ZDHHC14: variants seen among roughly 807,000 people sequenced by gnomAD.
The protein encoded by ZDHHC14 is zDHHC palmitoyltransferase 14.
ZDHHC14 carries 16 observed loss-of-function variants against 47.7 expected under a neutral mutation model. The ratio of observed to expected loss-of-function variants is 0.34; its 90% CI spans 0.23 to 0.51. The LOEUF (loss-of-function observed/expected upper bound fraction) is 0.51. ZDHHC14 is among the 20% of genes least tolerant of loss of function. The pLI, the probability that ZDHHC14 is intolerant of heterozygous loss-of-function variation, is 0.97. For synonymous variants in ZDHHC14, 293 were observed against 278.9 expected (o/e 1.05, Z -0.50); for missense variants, 515 against 662.5 (o/e 0.78, Z 2.44).
chr6:157,588,804 T>C (rs746761750), intron 2 of ZDHHC14, among the ~76,000 whole-genome samples: 1 of 151,984 alleles, frequency 6.6e-6, no homozygotes, highest in Non-Finnish European at 1.5e-5. Context: ...CACCCCACAG[T>C]GGGGTTCTCA....
intron 1 of ZDHHC14, among the ~76,000 whole-genome samples, chr6:157,433,608 C>T (rs549992070): frequency 6.6e-6 from 1 of 152,234 alleles, no homozygotes; most frequent in African/African-American, 2.4e-5. Flanking sequence ...CTGGGTGACC[C>T]CAGGGTCTCT....
chr6:157,593,923 G>A (rs1224721434), intron 3 of ZDHHC14, among the ~76,000 whole-genome samples: 1 of 152,238 alleles, frequency 6.6e-6, no homozygotes, highest in Admixed American at 6.5e-5. Flanking sequence ...GTGACAGGAA[G>A]GGAAGCAAGG....
chr6:157,405,539 A>G (rs1413859383), intron 1 of ZDHHC14, among the ~76,000 whole-genome samples: 1 of 152,074 alleles, frequency 6.6e-6, no homozygotes, highest in Non-Finnish European at 1.5e-5. Context: ...GCCGAGCTCA[A>G]AATTTTTTTT....
At chr6:157,459,767 C>T (rs1779022308) in intron 1 of ZDHHC14, among the ~76,000 whole-genome samples, 1 of 152,138 alleles carries the variant, frequency 6.6e-6, no homozygotes, top group Non-Finnish European at 1.5e-5. Flanking sequence ...CAACATCAAA[C>T]TGTGATGTCC....
At chr6:157,402,767 C>T (rs1777670325) in intron 1 of ZDHHC14, among the ~76,000 whole-genome samples, 3 of 152,180 alleles carry the variant, frequency 2.0e-5, no homozygotes, top group Non-Finnish European at 1.5e-5. Flanking sequence ...CACTCTATTG[C>T]CCAGGCTGGA....
chr6:157,414,574 A>G (rs1319408005), intron 1 of ZDHHC14, among the ~76,000 whole-genome samples: 3 of 152,298 alleles, frequency 2.0e-5, no homozygotes, highest in Admixed American at 1.3e-4. Flanking sequence ...GACCATCTCT[A>G]TGGGCTGCAG....
chr6:157,400,118 T>C (rs1484564933), intron 1 of ZDHHC14, among the ~76,000 whole-genome samples: 1 of 152,248 alleles, frequency 6.6e-6, no homozygotes, highest in Non-Finnish European at 1.5e-5. Context: ...TTTTCTATTT[T>C]TTCTTGCCCC....
intron 2 of ZDHHC14, among the ~76,000 whole-genome samples, chr6:157,548,288 T>A (rs1782068010): frequency 6.6e-6 from 1 of 152,202 alleles, no homozygotes; most frequent in Non-Finnish European, 1.5e-5. Context: ...TTATTTGCAG[T>A]GGCCCTTTCA....
intron 1 of ZDHHC14, among the ~76,000 whole-genome samples, chr6:157,528,223 G>A (rs753092837): frequency 3.3e-5 from 5 of 151,868 alleles, no homozygotes; most frequent in Non-Finnish European, 5.9e-5. Context: ...GTTAATAATC[G>A]TGTTTGCCAT....
chr6:157,600,681 C>T lies in ZDHHC14; in HGVS notation c.565+7535C>T, dbSNP rs561780840. 8.5e-5 allele frequency among the ~76,000 whole-genome samples: 13 copies of T among 152,348 alleles called. No homozygotes were observed. The South Asian group carries it at 2.7e-3, about 32-fold the overall frequency. Reference sequence around the variant, plus strand: ...TTGACATCCCAAAGTGTTGGGATTACAGGCGTGAGCCACCGCACCTGGCCA... The same window carrying T: ...TTGACATCCCAAAGTGTTGGGATTATAGGCGTGAGCCACCGCACCTGGCCA... On this transcript the variant is annotated intron_variant, in intron 3 of 8. Coordinates refer to ENST00000359775, the MANE Select transcript of ZDHHC14 (RefSeq NM_024630.3).
At chr6:157,623,242 G>A (rs1441026727) in intron 3 of ZDHHC14, among the ~76,000 whole-genome samples, 1 of 152,118 alleles carries the variant, frequency 6.6e-6, no homozygotes, top group Non-Finnish European at 1.5e-5. Flanking sequence ...GGGAGGAGCT[G>A]GTGGGAGGTA....
At position 157,543,000 on chromosome 6, in the gene ZDHHC14, T is replaced by C. The variant is rs1409438641; in HGVS notation, c.406+255T>C. ...AAAGCATCAGTGTGAGCTGTGCTTC[T>C]GATGTTTCTTTGAAACCCAAGTGTT... On this transcript the variant is annotated intron_variant, in intron 2 of 8. Transcript: ENST00000359775. Among the ~76,000 whole-genome samples, 6 of 152,368 alleles carry C rather than the reference T, an allele frequency of 3.9e-5. No individual in the cohort carries two copies. In the East Asian group the frequency reaches 1.2e-3, roughly 29 times the overall value.
intron 5 of ZDHHC14, among the ~76,000 whole-genome samples, chr6:157,638,750 C>T (rs1008242361): frequency 3.9e-5 from 6 of 152,218 alleles, no homozygotes; most frequent in African/African-American, 1.4e-4. Context: ...CACTAGGACT[C>T]CTTATGCAGA....
At chr6:157,448,597 A>G (rs1778733860) in intron 1 of ZDHHC14, among the ~76,000 whole-genome samples, 2 of 152,244 alleles carry the variant, frequency 1.3e-5, no homozygotes, top group African/African-American at 4.8e-5. Flanking sequence ...GACATAGTGA[A>G]CAATACATGT....
chr6:157,414,699 C>CA (rs1375796281), intron 1 of ZDHHC14, among the ~76,000 whole-genome samples: 1 of 152,102 alleles, frequency 6.6e-6, no homozygotes, highest in East Asian at 1.9e-4. Context: ...TTTGCAATGT[C>CA]AGAGGATATT....
chr6:157,533,388 G>A (rs1582898670), intron 1 of ZDHHC14, among the ~76,000 whole-genome samples: 1 of 152,196 alleles, frequency 6.6e-6, no homozygotes, highest in African/African-American at 2.4e-5. Flanking sequence ...GGGATGGCTG[G>A]TCATAGGAGG....
At chr6:157,647,831 A>G (rs1183153354) in intron 7 of ZDHHC14, among the ~76,000 whole-genome samples, 1 of 152,256 alleles carries the variant, frequency 6.6e-6, no homozygotes, top group Non-Finnish European at 1.5e-5. Context: ...TACTGTGGTC[A>G]TGGTAATAAT....
intron 2 of ZDHHC14, among the ~76,000 whole-genome samples, chr6:157,554,235 T>A (rs1311746156): frequency 6.6e-6 from 1 of 152,286 alleles, no homozygotes; most frequent in East Asian, 1.9e-4. Flanking sequence ...TTCTTTACAT[T>A]CAGTAGAAAT....
At chr6:157,669,334 G>A (rs369091276) in intron 8 of ZDHHC14, among the ~76,000 whole-genome samples, 12 of 151,552 alleles carry the variant, frequency 7.9e-5, no homozygotes, top group Non-Finnish European at 1.5e-4. Context: ...GAGGGGTGGT[G>A]GGGGGGGAAG....
Sources: allele counts gnomAD v4.1 joint callset (sites outside exome capture counted in the v4.1 genomes callset), GRCh38; gene constraint gnomAD v4.1.1; transcripts MANE v1.5; gene names NCBI Gene and HGNC (gene_info 2026-07-23, HGNC 2026-07-21).